The following PRIM2 variants were observed in gnomAD, a reference collection of about 807,000 sequenced individuals.
PRIM2 encodes DNA primase subunit 2.
Under a neutral mutation model 67.3 loss-of-function variants are expected in PRIM2, and 39 were observed. That is an observed-to-expected ratio of 0.58 (90% CI 0.45 to 0.76). The LOEUF is 0.76. PRIM2 is among the 30% of genes least tolerant of loss of function. The probability of loss-of-function intolerance (pLI) is 0.00; values close to 1 mark genes in which losing one functional copy is unlikely to be tolerated. For synonymous variants in PRIM2, 143 were observed against 198.7 expected, an observed-to-expected ratio of 0.72 and a Z score of 2.36; for missense variants, 398 against 598.7, an observed-to-expected ratio of 0.66 and a Z score of 3.50.
intron 7 of PRIM2, among the ~76,000 whole-genome samples, chr6:57,425,786 G>A (rs1443521992): frequency 2.0e-5 from 3 of 151,942 alleles, no homozygotes; most frequent in African/African-American, 7.3e-5. Context: ...TGGAGACAAC[G>A]GTAATCACAC....
Position 57,326,016 on chromosome 6 carries a change from T to G in PRIM2, c.430T>G (p.Leu144Val). The G allele has an allele frequency of 3.7e-6, 6 of 1,613,072 alleles. No individual in the cohort carries two copies. The highest frequency in any genetic ancestry group is 5.1e-6 in the Non-Finnish European group (6 of 1,179,614). Reference sequence around the variant, plus strand: ...ACCCAAGGATAAAATTCAGGATTTCTTAAAGGATAGCCAATTGCAGTTTGA... The same window carrying G: ...ACCCAAGGATAAAATTCAGGATTTCGTAAAGGATAGCCAATTGCAGTTTGA... ...ILPKDKIQDF[L>V]KDSQLQFEAI... Residue 144 changes from leucine (L) to valine (V), a missense_variant, in exon 5 of 14, where the codon TTA (leucine) becomes GTA (valine). Transcript: ENST00000615550.
intron 10 of PRIM2, among the ~76,000 whole-genome samples, chr6:57,562,703 T>C (rs1775661316): frequency 6.6e-6 from 1 of 152,214 alleles, no homozygotes; most frequent in Non-Finnish European, 1.5e-5. Flanking sequence ...ACTCCTCCTG[T>C]CGTCTTTCCA....
At chr6:57,318,226 AC>A (rs1040492508) in intron 1 of PRIM2, among the ~76,000 whole-genome samples, 4 of 151,958 alleles carry the variant, frequency 2.6e-5, no homozygotes, top group African/African-American at 9.7e-5. Flanking sequence ...CGCCTCTCCC[AC>A]CCCCATTACA....
At chr6:57,325,087 C>CAT (rs10653114) in intron 4 of PRIM2, among the ~76,000 whole-genome samples, 26,881 of 151,906 alleles carry the variant, frequency 0.18, 2,519 homozygotes, top group Non-Finnish European at 0.19. Context: ...TATAAATGAA[C>CAT]GTTATTGCTT....
intron 7 of PRIM2, among the ~76,000 whole-genome samples, chr6:57,438,766 AT>A (rs112732081): frequency 1.1e-3 from 164 of 147,498 alleles, no homozygotes; most frequent in African/African-American, 2.8e-3. Context: ...AGTTTTCGGC[AT>A]TTTTTTTTTC....
intron 7 of PRIM2, among the ~76,000 whole-genome samples, chr6:57,469,605 C>T (rs1773289194): frequency 1.3e-5 from 2 of 152,094 alleles, no homozygotes; most frequent in African/African-American, 4.8e-5. Context: ...TATGAAAATA[C>T]TAGAAGTTTT....
At chr6:57,399,493 G>C (rs1770633912) in intron 7 of PRIM2, among the ~76,000 whole-genome samples, 1 of 152,110 alleles carries the variant, frequency 6.6e-6, no homozygotes, top group Non-Finnish European at 1.5e-5. Context: ...TAGTGCCGCA[G>C]TAAACACACG....
intron 5 of PRIM2, among the ~76,000 whole-genome samples, chr6:57,338,597 C>G (rs1375244360): frequency 6.6e-6 from 1 of 150,860 alleles, no homozygotes; most frequent in Non-Finnish European, 1.5e-5. Context: ...AACAGAAAGA[C>G]AAAAACCACA....
At chr6:57,450,702 T>C (rs1193030762) in intron 7 of PRIM2, among the ~76,000 whole-genome samples, 1 of 152,232 alleles carries the variant, frequency 6.6e-6, no homozygotes, top group Non-Finnish European at 1.5e-5. Context: ...CATGAATGCA[T>C]GCAGTAAGTG....
At chr6:57,421,693 C>T (rs1387664901) in intron 7 of PRIM2, among the ~76,000 whole-genome samples, 1 of 152,172 alleles carries the variant, frequency 6.6e-6, no homozygotes, top group East Asian at 1.9e-4. Context: ...TTTCAGCTTT[C>T]CATCCCACTT....
chr6:57,243,559 G>A, the PRIM2 span, among the ~76,000 whole-genome samples: 1 of 152,206 alleles, frequency 6.6e-6, no homozygotes, highest in African/African-American at 2.4e-5. Context: ...ACCTCCGCCT[G>A]CCGGGTTCAA....
intron 10 of PRIM2, among the ~76,000 whole-genome samples, chr6:57,571,659 C>T (rs1470332998): frequency 6.6e-6 from 1 of 150,378 alleles, no homozygotes; most frequent in East Asian, 1.9e-4. Context: ...CAAAAAGAAA[C>T]CAAAACAAAA....
chr6:57,267,272 T>C, the PRIM2 span, among the ~76,000 whole-genome samples: 17 of 152,318 alleles, frequency 1.1e-4, no homozygotes, highest in Non-Finnish European at 2.2e-4. Context: ...TTGGTATTCA[T>C]TATCTACTGT....
chr6:57,454,243 A>C (rs1167435392), intron 7 of PRIM2, among the ~76,000 whole-genome samples: 27 of 152,066 alleles, frequency 1.8e-4, no homozygotes, highest in African/African-American at 6.5e-4. Context: ...TCGGTCTAAA[A>C]TTCTCTTTTT....
intron 7 of PRIM2, among the ~76,000 whole-genome samples, chr6:57,402,817 A>G (rs1273013395): frequency 2.0e-5 from 3 of 152,212 alleles, no homozygotes; most frequent in East Asian, 1.9e-4. Context: ...TGTAGGCAAT[A>G]TAAAATGGGG....
At chr6:57,458,984 A>C (rs1452105077) in intron 7 of PRIM2, among the ~76,000 whole-genome samples, 1 of 152,216 alleles carries the variant, frequency 6.6e-6, no homozygotes, top group African/African-American at 2.4e-5. Context: ...TTTGTTTAGT[A>C]TGAACAAAAA....
At chr6:57,269,034 T>C in the PRIM2 span, among the ~76,000 whole-genome samples, 1 of 151,988 alleles carries the variant, frequency 6.6e-6, no homozygotes, top group Non-Finnish European at 1.5e-5. Flanking sequence ...AGTCTATCAT[T>C]GTTGGACATT....
chr6:57,621,198 G>A (rs1776847378), intron 12 of PRIM2, among the ~76,000 whole-genome samples: 1 of 152,196 alleles, frequency 6.6e-6, no homozygotes, highest in South Asian at 2.1e-4. Context: ...CAAGGTTGAG[G>A]AGCCTATTTC....
chr6:57,557,779 A>G (rs1204560980), intron 10 of PRIM2, among the ~76,000 whole-genome samples: 100 of 152,340 alleles, frequency 6.6e-4, no homozygotes, highest in African/African-American at 2.3e-3. Flanking sequence ...GTTAAAAAAA[A>G]AAAAGAAAAA....
Sources: gnomAD v4.1 joint callset for allele counts (sites outside exome capture counted in the v4.1 genomes callset) on GRCh38, gnomAD v4.1.1 for gene constraint, MANE v1.5 for transcripts, NCBI Gene and HGNC (gene_info 2026-07-23, HGNC 2026-07-21) for gene names.